Variants in ROBO1 observed in about 807,000 individuals in gnomAD.
ROBO1 encodes the protein roundabout guidance receptor 1, also known as roundabout homolog 1.
Under a neutral mutation model 195.9 loss-of-function variants are expected in ROBO1, and 149 were observed. The observed-to-expected ratio is 0.76, with a 90% CI of 0.67 to 0.87. The LOEUF (loss-of-function observed/expected upper bound fraction) is 0.87. Ranked by LOEUF, ROBO1 falls within the 40% of genes least tolerant of loss-of-function variation. The pLI is 0.00. For synonymous variants in ROBO1, 816 were observed against 733.2 expected (o/e 1.11, Z -1.82); for missense variants, 1,933 against 2,068.3 (o/e 0.93, Z 1.27).
At chr3:79,707,086 C>T (rs1336251206) in intron 1 of ROBO1, among the ~76,000 whole-genome samples, 2 of 152,088 alleles carry the variant, frequency 1.3e-5, no homozygotes, top group East Asian at 1.9e-4. Flanking sequence ...GGAGAAATTT[C>T]CTCCTTTGCC....
At chr3:78,917,131 T>C (rs1339263465) in intron 4 of ROBO1, among the ~76,000 whole-genome samples, 1 of 149,856 alleles carries the variant, frequency 6.7e-6, no homozygotes, top group African/African-American at 2.5e-5. Flanking sequence ...GGAGTCTTGT[T>C]CTGTCACCAG....
intron 10 of ROBO1, among the ~76,000 whole-genome samples, chr3:78,682,168 A>G (rs2080931319): frequency 6.6e-6 from 1 of 152,060 alleles, no homozygotes; most frequent in Non-Finnish European, 1.5e-5. Flanking sequence ...TGAAGTTAGG[A>G]TCAAGAAAAG....
chr3:79,304,447 C>T (rs548511328), intron 2 of ROBO1, among the ~76,000 whole-genome samples: 26 of 152,254 alleles, frequency 1.7e-4, no homozygotes, highest in African/African-American at 6.0e-4. Flanking sequence ...GAAATCCCCA[C>T]GATCATCAAG....
chr3:78,615,606 C>G (rs146733177), intron 27 of ROBO1, among the ~76,000 whole-genome samples: 64 of 152,110 alleles, frequency 4.2e-4, no homozygotes, highest in Non-Finnish European at 7.9e-4. Context: ...ATCCATAATC[C>G]CAATGGAGAT....
intron 3 of ROBO1, among the ~76,000 whole-genome samples, chr3:79,024,544 C>A (rs1423645018): frequency 6.6e-6 from 1 of 152,088 alleles, no homozygotes; most frequent in Non-Finnish European, 1.5e-5. Context: ...TGTTTTGAAC[C>A]AAAGCACTTG....
At chr3:79,002,515 A>G (rs1005828475) in intron 3 of ROBO1, among the ~76,000 whole-genome samples, 2 of 152,150 alleles carry the variant, frequency 1.3e-5, no homozygotes, top group African/African-American at 4.8e-5. Flanking sequence ...AATATAATCA[A>G]TTTCACAGTT....
chr3:78,902,670 C>T (rs1259523130), intron 4 of ROBO1, among the ~76,000 whole-genome samples: 1 of 151,940 alleles, frequency 6.6e-6, no homozygotes, highest in Non-Finnish European at 1.5e-5. Context: ...TGATGAAACC[C>T]CATCTCTACT....
chr3:79,155,030 C>T (rs762625103), intron 2 of ROBO1, among the ~76,000 whole-genome samples: 11 of 151,766 alleles, frequency 7.2e-5, no homozygotes, highest in South Asian at 2.1e-4. Flanking sequence ...CAGCTCTGCT[C>T]GGGTATACAC....
intron 18 of ROBO1, among the ~76,000 whole-genome samples, chr3:78,655,369 T>G (rs914797327): frequency 9.2e-5 from 14 of 152,128 alleles, no homozygotes; most frequent in Admixed American, 7.2e-4. Context: ...CTGGGAGTAG[T>G]GATGTGTACC....
chr3:79,212,334 G>C (rs1423211544), intron 2 of ROBO1, among the ~76,000 whole-genome samples: 2 of 152,178 alleles, frequency 1.3e-5, no homozygotes, highest in African/African-American at 2.4e-5. Flanking sequence ...AAAATACTCA[G>C]CCTCTCTTGA....
At chr3:79,577,350 AT>A (rs1943520655) in intron 2 of ROBO1, among the ~76,000 whole-genome samples, 2 of 152,182 alleles carry the variant, frequency 1.3e-5, no homozygotes, top group Non-Finnish European at 2.9e-5. Flanking sequence ...AATATTAAGT[AT>A]TTAAAATTCT....
chr3:79,397,834 T>G (rs1470086593), intron 2 of ROBO1, among the ~76,000 whole-genome samples: 4 of 152,208 alleles, frequency 2.6e-5, no homozygotes. Context: ...TTAACCTCTC[T>G]GTCTCTCATA....
chr3:79,462,982 C>T (rs1428676963), intron 2 of ROBO1, among the ~76,000 whole-genome samples: 1 of 152,152 alleles, frequency 6.6e-6, no homozygotes, highest in Non-Finnish European at 1.5e-5. Flanking sequence ...GTTTTCATGT[C>T]AAGTTATTTA....
rs539698744 is a variant in ROBO1, at chr3:79,283,569, A to G, written c.89-158030T>C. Among the ~76,000 whole-genome samples the G allele has an allele frequency of 7.0e-4, 106 of 152,348 alleles. 1 individual carries two copies. The highest frequency in any genetic ancestry group is 1.4e-3 in the Non-Finnish European group (92 of 68,030). ...AAATTTAGATTTTATAGTTTAAGGA[A>G]ATATCGGAATTGCTCATTTTATCTC... On this transcript the variant is annotated intron_variant, in intron 2 of 30. Transcript: ENST00000464233.
chr3:79,177,900 T>A (rs1406975793), intron 2 of ROBO1, among the ~76,000 whole-genome samples: 4 of 152,274 alleles, frequency 2.6e-5, no homozygotes, highest in African/African-American at 9.6e-5. Flanking sequence ...TAAGAAATTA[T>A]ATCTTCAATT....
At chr3:79,491,297 C>G (rs577395630) in intron 2 of ROBO1, among the ~76,000 whole-genome samples, 5 of 150,888 alleles carry the variant, frequency 3.3e-5, no homozygotes, top group African/African-American at 9.7e-5. Context: ...TGACTACAAA[C>G]TTTCATTTTT....
intron 3 of ROBO1, among the ~76,000 whole-genome samples, chr3:78,948,086 C>T (rs557148016): frequency 6.6e-6 from 1 of 152,110 alleles, no homozygotes; most frequent in African/African-American, 2.4e-5. Flanking sequence ...TCGAATTCTA[C>T]CAGAGGTAGA....
intron 2 of ROBO1, among the ~76,000 whole-genome samples, chr3:79,338,373 G>T (rs1468904872): frequency 6.6e-6 from 1 of 152,066 alleles, no homozygotes; most frequent in Non-Finnish European, 1.5e-5. Context: ...ATTCTTGTAA[G>T]TGCCTATTTG....
chr3:79,401,836 T>C (rs554283509), intron 2 of ROBO1, among the ~76,000 whole-genome samples: 1 of 151,980 alleles, frequency 6.6e-6, no homozygotes, highest in African/African-American at 2.4e-5. Flanking sequence ...AATGAACTCT[T>C]GGCAAAGACA....
Sources: allele counts gnomAD v4.1 joint callset (sites outside exome capture counted in the v4.1 genomes callset), GRCh38; gene constraint gnomAD v4.1.1; transcripts MANE v1.5; gene names NCBI Gene and HGNC (gene_info 2026-07-23, HGNC 2026-07-21).